Variants in DUSP29 observed in about 807,000 individuals in gnomAD.
The protein encoded by DUSP29 is dual specificity phosphatase 29.
DUSP29 carries 12 observed loss-of-function variants against 13.5 expected under a neutral mutation model. The ratio of observed to expected loss-of-function variants is 0.89; its 90% CI spans 0.57 to 1.44. The LOEUF is 1.44. DUSP29 is among the 40% of genes most tolerant of loss of function. The probability of loss-of-function intolerance (pLI) is 0.00; values close to 1 mark genes in which losing one functional copy is unlikely to be tolerated. For missense variants in DUSP29, 308 were observed against 301.1 expected (o/e 1.02, Z -0.17); for synonymous variants, 134 against 128.7 (o/e 1.04, Z -0.28).
rs1358261146 is a variant in DUSP29 at position 75,058,373 on chromosome 10, C to T, written c.142G>A (p.Gly48Ser). Residue 48 changes from glycine (G) to serine (S), a missense_variant, in exon 2 of 4, where the codon GGC (glycine) becomes AGC (serine). Gly to Ser is a moderately conservative substitution (Grantham distance 56, BLOSUM62 0). Coordinates refer to ENST00000338487, the MANE Select transcript of DUSP29 (RefSeq NM_001003892.3). ...AFELERLFWK[G>S]SPQYTHVNEV... ...TTGACGTGGGTGTACTGGGGACTGCCCTTCCAGAAGAGCCGCTCCAGCTCA... is the reference window on the plus strand; with the variant it reads ...TTGACGTGGGTGTACTGGGGACTGCTCTTCCAGAAGAGCCGCTCCAGCTCA... The T allele has an allele frequency of 6.2e-7, 1 of 1,614,224 alleles. No individual in the cohort carries two copies. The highest frequency in any genetic ancestry group is 8.5e-7 in the Non-Finnish European group (1 of 1,180,036).
Position 75,058,488 on chromosome 10 carries a change from G to A in DUSP29, c.27C>T (p.Ser9=), listed in dbSNP as rs1480661946. The A allele has an allele frequency of 1.2e-6, 2 of 1,614,192 alleles. No individual in the cohort carries two copies. The highest frequency in any genetic ancestry group is 1.7e-6 in the Non-Finnish European group (2 of 1,180,042). The change falls in exon 2 of 4, where the codon AGC becomes AGT. Residue 9 remains serine, a synonymous_variant. Transcript: ENST00000338487. MTSGEVKT[S]LKNAYSSAKR... ...TGGCAGATGAGTAGGCATTCTTGAG[G>A]CTTGTCTTCACTTCTCCAGATGTCA...
Position 75,058,367 on chromosome 10 carries a change from G to A in DUSP29, c.148C>T (p.Pro50Ser). The change falls in exon 2 of 4, where the codon CCC becomes TCC. Residue 50 changes from proline (P) to serine (S), a missense_variant. By Grantham distance (74) the Pro-to-Ser change is moderately conservative. Transcript: ENST00000338487. The part of the protein sequence containing the change: ...ELERLFWKGS[P>S]QYTHVNEVWP... ...ACCTCGTTGACGTGGGTGTACTGGG[G>A]ACTGCCCTTCCAGAAGAGCCGCTCC... 3 of 1,614,224 alleles carry A rather than the reference G, an allele frequency of 1.9e-6. No individual in the cohort carries two copies. Among genetic ancestry groups the A allele is most frequent in the South Asian group, 2.2e-5 (2 of 91,082 alleles).
intron 2 of DUSP29, among the ~76,000 whole-genome samples, chr10:75,055,340 T>C (rs1047236245): frequency 6.6e-6 from 1 of 152,180 alleles, no homozygotes; most frequent in African/African-American, 2.4e-5. Flanking sequence ...GGTCAAAATA[T>C]ATGTGTGCCT....
intron 1 of DUSP29, among the ~76,000 whole-genome samples, chr10:75,068,825 T>C (rs1008521899): frequency 6.6e-6 from 1 of 152,232 alleles, no homozygotes; most frequent in East Asian, 1.9e-4. Context: ...TTACGCATTT[T>C]AGATATACAA....
chr10:75,061,012 G>T (rs895236676), intron 1 of DUSP29, among the ~76,000 whole-genome samples: 4 of 152,132 alleles, frequency 2.6e-5, no homozygotes, highest in African/African-American at 9.7e-5. Context: ...TGGTGATTGG[G>T]GCTGGATGAT....
At chr10:75,053,074 C>T (rs1311592722) in intron 2 of DUSP29, among the ~76,000 whole-genome samples, 1 of 152,234 alleles carries the variant, frequency 6.6e-6, no homozygotes, top group African/African-American at 2.4e-5. Flanking sequence ...GCCGGGAGCG[C>T]AGCAGAGCTG....
chr10:75,043,703 T>C lies in DUSP29; in HGVS notation c.421+94A>G, dbSNP rs535601865. 136 of 1,043,170 alleles carry C rather than the reference T, an allele frequency of 1.3e-4. 2 individuals are homozygous for C. In the South Asian group the frequency reaches 2.1e-3, roughly 16 times the overall value. 64.6% of individuals were successfully genotyped at this position (1,043,170 alleles called of 1,614,324 possible). On this transcript the variant is annotated intron_variant, in intron 3 of 3. Coordinates refer to ENST00000338487, the MANE Select transcript of DUSP29 (RefSeq NM_001003892.3). ...GCCTAGGCTAGGGGCGGAGCCTTAG[T>C]GGGGCGGGGAAGGGGCGGGGCCTAA...
At chr10:75,046,779 T>G (rs995971708) in intron 2 of DUSP29, among the ~76,000 whole-genome samples, 1 of 152,226 alleles carries the variant, frequency 6.6e-6, no homozygotes, top group Non-Finnish European at 1.5e-5. Flanking sequence ...ACAACAAACA[T>G]TATGCTTTGG....
chr10:75,054,032 TA>T lies in DUSP29; in HGVS notation c.200+4282del, dbSNP rs553574032. Among the ~76,000 whole-genome samples the T allele has an allele frequency of 4.9e-3, 739 of 152,222 alleles. 4 individuals carry two copies. The highest frequency in any genetic ancestry group is 7.7e-3 in the Non-Finnish European group (526 of 68,008). On this transcript the variant is annotated intron_variant, in intron 2 of 3. Transcript: ENST00000338487. ...TTATTATTATAAGCCATAGGAAAGG[TA>T]AATACAGTATATAATATACAGAGAA...
intron 3 of DUSP29, among the ~76,000 whole-genome samples, chr10:75,038,730 G>A (rs932233388): frequency 1.3e-5 from 2 of 151,766 alleles, no homozygotes; most frequent in African/African-American, 4.8e-5. Context: ...GGGAGGAGAG[G>A]GGGAGGTGGA....
At chr10:75,042,914 C>T (rs1340382823) in intron 3 of DUSP29, among the ~76,000 whole-genome samples, 2 of 152,256 alleles carry the variant, frequency 1.3e-5, no homozygotes, top group Non-Finnish European at 1.5e-5. Flanking sequence ...TCCCTCTGGC[C>T]TCTGTGGAAT....
At position 75,037,620 on chromosome 10, in the gene DUSP29, C is replaced by T. The variant is rs1026969638; in HGVS notation, c.*216G>A. ...CTCTGTGACCCAGAGCCGGGGAGCC[C>T]GTCCCTCCCATTTTGCTGAGAGGCT... On this transcript the variant is annotated 3_prime_UTR_variant, in exon 4 of 4. Coordinates refer to ENST00000338487, the MANE Select transcript of DUSP29 (RefSeq NM_001003892.3). Among the ~76,000 whole-genome samples the T allele has an allele frequency of 6.6e-5, 10 of 152,176 alleles. No individual in the cohort carries two copies. The highest frequency in any genetic ancestry group is 2.2e-4 in the African/African-American group (9 of 41,452).
At position 75,058,555 on chromosome 10, in the gene DUSP29, A is replaced by G. The variant is rs779049495; in HGVS notation, c.-34-7T>C. 82 of 1,608,976 alleles carry G rather than the reference A, an allele frequency of 5.1e-5. 1 individual carries two copies. The South Asian group carries it at 8.9e-4, about 17-fold the overall frequency. ...TTTTCTCTCCTTTCTGCAGCTGGTTATGAGAGAGAAGCAGGATGGGGGTTA... is the reference window on the plus strand; with the variant it reads ...TTTTCTCTCCTTTCTGCAGCTGGTTGTGAGAGAGAAGCAGGATGGGGGTTA... On this transcript the variant is annotated splice_polypyrimidine_tract_variant and splice_region_variant and intron_variant, in intron 1 of 3. Coordinates refer to ENST00000338487, the MANE Select transcript of DUSP29 (RefSeq NM_001003892.3).
Position 75,043,783 on chromosome 10 carries a change from C to A in DUSP29, c.421+14G>T. 2 of 1,606,612 alleles carry A rather than the reference C, an allele frequency of 1.2e-6. No individual in the cohort carries two copies. The highest frequency in any genetic ancestry group is 1.1e-5 in the South Asian group (1 of 90,972). On this transcript the variant is annotated intron_variant, in intron 3 of 3. Transcript: ENST00000338487. Reference sequence around the variant, plus strand: ...GGGGCGGGGCCGATCGGGGCGGGGCCGCGGGTCTCTTACTGTGGTCGTCGC... The same window carrying A: ...GGGGCGGGGCCGATCGGGGCGGGGCAGCGGGTCTCTTACTGTGGTCGTCGC...
intron 2 of DUSP29, among the ~76,000 whole-genome samples, chr10:75,047,520 AAC>A (rs1187803322): frequency 6.6e-6 from 1 of 152,220 alleles, no homozygotes; most frequent in Non-Finnish European, 1.5e-5. Flanking sequence ...GAGACTAAGA[AAC>A]ACAGGGGCAT....
chr10:75,059,367 TGATG>T (rs1847038339), intron 1 of DUSP29, among the ~76,000 whole-genome samples: 1 of 152,074 alleles, frequency 6.6e-6, no homozygotes, highest in East Asian at 1.9e-4. Flanking sequence ...GCTGAGTAAA[TGATG>T]CACCTATGGT....
At chr10:75,065,652 A>G (rs1164352339) in intron 1 of DUSP29, among the ~76,000 whole-genome samples, 1 of 151,738 alleles carries the variant, frequency 6.6e-6, no homozygotes, top group Admixed American at 6.6e-5. Context: ...GAAGAGCCAC[A>G]TACAGGCTTC....
chr10:75,043,746 T>G lies in DUSP29; in HGVS notation c.421+51A>C, dbSNP rs775344890. The G allele has an allele frequency of 7.0e-5, 84 of 1,203,020 alleles. 1 individual carries two copies. Among genetic ancestry groups the G allele is most frequent in the Middle Eastern group, 3.2e-4 (1 of 3,126 alleles). The allele number at this position is 1,203,020 out of a possible 1,614,324, so 74.5% of individuals were successfully genotyped here. On this transcript the variant is annotated intron_variant, in intron 3 of 3. Coordinates refer to ENST00000338487, the MANE Select transcript of DUSP29 (RefSeq NM_001003892.3). ...GGGCCTAAGCTACGGGCGGGGCGAG[T>G]CGGGGCGGGGCGGGGCGGGGCCGAT...
intron 1 of DUSP29, among the ~76,000 whole-genome samples, chr10:75,067,382 C>G (rs548257761): frequency 6.6e-6 from 1 of 152,330 alleles, no homozygotes; most frequent in African/African-American, 2.4e-5. Flanking sequence ...TCCTTCCCCT[C>G]TGACTTCAGA....
Sources: allele counts gnomAD v4.1 joint callset (sites outside exome capture counted in the v4.1 genomes callset), GRCh38; gene constraint gnomAD v4.1.1; transcripts MANE v1.5; gene names NCBI Gene and HGNC (gene_info 2026-07-23, HGNC 2026-07-21).